The following NRG3 variants were observed in gnomAD, a reference collection of about 807,000 sequenced individuals.
The protein encoded by NRG3 is neuregulin 3.
In NRG3, 31 loss-of-function variants were observed where a neutral mutation model predicts 66.9. That is an observed-to-expected ratio of 0.46 (90% CI 0.35 to 0.63). NRG3 has a LOEUF of 0.63. Ranked by LOEUF, NRG3 falls within the 20% of genes least tolerant of loss-of-function variation. The pLI is 0.00. For synonymous variants in NRG3, 393 were observed against 359.4 expected (o/e 1.09, Z -1.06); for missense variants, 910 against 878.9 (o/e 1.04, Z -0.45).
intron 4 of NRG3, among the ~76,000 whole-genome samples, chr10:82,948,047 A>ACTT (rs1224147629): frequency 6.6e-6 from 1 of 151,938 alleles, no homozygotes. Flanking sequence ...TGTAGTTTAA[A>ACTT]CTTTACATTT....
intron 1 of NRG3, among the ~76,000 whole-genome samples, chr10:82,188,438 A>C (rs2133315757): frequency 6.6e-6 from 1 of 152,282 alleles, no homozygotes; most frequent in South Asian, 2.1e-4. Context: ...AAGCAACCAA[A>C]GCAAATGGAC....
intron 3 of NRG3, among the ~76,000 whole-genome samples, chr10:82,841,977 C>G (rs2063076297): frequency 6.6e-6 from 1 of 152,250 alleles, no homozygotes; most frequent in Non-Finnish European, 1.5e-5. Context: ...TTTAGAAATA[C>G]AGAACCCATC....
intron 2 of NRG3, among the ~76,000 whole-genome samples, chr10:82,422,415 T>C (rs2089146611): frequency 1.3e-5 from 2 of 152,088 alleles, no homozygotes; most frequent in Non-Finnish European, 2.9e-5. Flanking sequence ...CTCAAATCTC[T>C]CTGACTGGGA....
At chr10:82,034,338 T>A (rs539441932) in intron 1 of NRG3, among the ~76,000 whole-genome samples, 48 of 152,204 alleles carry the variant, frequency 3.2e-4, no homozygotes, top group African/African-American at 1.1e-3. Context: ...TTTGAATATA[T>A]GTTGGCACCT....
chr10:82,544,245 G>A (rs2043740966), intron 2 of NRG3, among the ~76,000 whole-genome samples: 1 of 152,146 alleles, frequency 6.6e-6, no homozygotes, highest in Admixed American at 6.6e-5. Flanking sequence ...TTAGGGTAGA[G>A]GTTAGAACAA....
At chr10:82,721,989 C>T (rs1023803441) in intron 2 of NRG3, among the ~76,000 whole-genome samples, 3 of 151,564 alleles carry the variant, frequency 2.0e-5, no homozygotes, top group Non-Finnish European at 2.9e-5. Flanking sequence ...TACCCAAACT[C>T]TAGCCAGTTG....
At chr10:82,330,270 A>G (rs1350415424) in intron 1 of NRG3, among the ~76,000 whole-genome samples, 1 of 152,232 alleles carries the variant, frequency 6.6e-6, no homozygotes, top group African/African-American at 2.4e-5. Flanking sequence ...ATGAAAAATT[A>G]TAATTATATA....
intron 2 of NRG3, among the ~76,000 whole-genome samples, chr10:82,436,399 C>T (rs2090141971): frequency 6.6e-6 from 1 of 152,104 alleles, no homozygotes; most frequent in African/African-American, 2.4e-5. Context: ...AAATTTTCCT[C>T]TATCCCTTTA....
chr10:82,329,696 A>C (rs562996689), intron 1 of NRG3, among the ~76,000 whole-genome samples: 1 of 152,320 alleles, frequency 6.6e-6, no homozygotes, highest in Admixed American at 6.5e-5. Context: ...GCTCAGGTAC[A>C]TGACATTTCT....
chr10:82,099,152 A>AT (rs1564561056), intron 1 of NRG3, among the ~76,000 whole-genome samples: 1 of 152,168 alleles, frequency 6.6e-6, no homozygotes. Flanking sequence ...GCTGTTCTGT[A>AT]TAAAAAAAAC....
chr10:81,990,034 G>C (rs991099159), intron 1 of NRG3, among the ~76,000 whole-genome samples: 1 of 152,178 alleles, frequency 6.6e-6, no homozygotes, highest in African/African-American at 2.4e-5. Flanking sequence ...TGATGCTGGA[G>C]AAAGTTTGAA....
chr10:82,047,668 G>A (rs913965333), intron 1 of NRG3, among the ~76,000 whole-genome samples: 30 of 151,508 alleles, frequency 2.0e-4, no homozygotes, highest in East Asian at 1.8e-3. Context: ...AAAGACCATC[G>A]AGACTAGGAA....
At chr10:82,141,719 G>T (rs1267119616) in intron 1 of NRG3, among the ~76,000 whole-genome samples, 2 of 152,082 alleles carry the variant, frequency 1.3e-5, no homozygotes, top group Non-Finnish European at 2.9e-5. Context: ...AATCTTTCTA[G>T]TCAATTTTAT....
intron 3 of NRG3, among the ~76,000 whole-genome samples, chr10:82,753,184 T>G (rs1025504170): frequency 3.9e-5 from 6 of 152,208 alleles, no homozygotes; most frequent in African/African-American, 1.4e-4. Context: ...TTGTCTTTGT[T>G]TAATCTTAGA....
At chr10:82,377,217 C>T (rs1418495336) in intron 2 of NRG3, among the ~76,000 whole-genome samples, 1 of 152,140 alleles carries the variant, frequency 6.6e-6, no homozygotes, top group Non-Finnish European at 1.5e-5. Flanking sequence ...GAATAACTTG[C>T]TCATTTTATG....
rs141058833 is a variant in NRG3, at chr10:82,090,134, G to C, written c.823+213971G>C. Among the ~76,000 whole-genome samples the C allele has an allele frequency of 7.2e-5, 11 of 152,298 alleles. No individual in the cohort carries two copies. In the East Asian group the frequency reaches 2.1e-3, roughly 29 times the overall value. On this transcript the variant is annotated intron_variant, in intron 1 of 8. Transcript: ENST00000372141. ...TAACAGGCATCTGCAGACTACAGAC[G>C]CACGTTACCATGCAGATTGCTATTA...
chr10:82,250,373 T>TC (rs1196690719), intron 1 of NRG3, among the ~76,000 whole-genome samples: 1 of 151,944 alleles, frequency 6.6e-6, no homozygotes, highest in East Asian at 1.9e-4. Flanking sequence ...TCGCCTGAGG[T>TC]CAGGAGTTGG....
At chr10:82,349,706 C>A (rs529996428) in intron 1 of NRG3, among the ~76,000 whole-genome samples, 24 of 152,188 alleles carry the variant, frequency 1.6e-4, no homozygotes, top group Admixed American at 7.9e-4. Flanking sequence ...GCTGTGCTAG[C>A]AATCAGGGAG....
intron 1 of NRG3, among the ~76,000 whole-genome samples, chr10:82,143,828 G>A (rs1173942004): frequency 6.6e-6 from 1 of 152,132 alleles, no homozygotes; most frequent in African/African-American, 2.4e-5. Flanking sequence ...CCAAGAATTC[G>A]AGATTGGCCT....
Sources: allele counts gnomAD v4.1 joint callset (sites outside exome capture counted in the v4.1 genomes callset), GRCh38; gene constraint gnomAD v4.1.1; transcripts MANE v1.5; gene names NCBI Gene and HGNC (gene_info 2026-07-23, HGNC 2026-07-21).